The following EVI5 variants were observed in gnomAD, a reference collection of about 807,000 sequenced individuals.
The protein encoded by EVI5 is ecotropic viral integration site 5.
Under a neutral mutation model 112.0 loss-of-function variants are expected in EVI5, and 73 were observed. The ratio of observed to expected loss-of-function variants is 0.65; its 90% CI spans 0.54 to 0.79. EVI5 has a LOEUF of 0.79. EVI5 is among the 30% of genes least tolerant of loss of function. The pLI, the probability that EVI5 is intolerant of heterozygous loss-of-function variation, is 0.00. For missense variants in EVI5, 900 were observed against 968.8 expected, an observed-to-expected ratio of 0.93 and a Z score of 0.94; for synonymous variants, 305 against 319.9, an observed-to-expected ratio of 0.95 and a Z score of 0.50.
rs1676777172 is a variant in EVI5 at position 92,733,224 on chromosome 1, T to C, written c.149+3174A>G. The C allele has an allele frequency of 2.7e-5, 6 of 219,354 alleles. No individual in the cohort carries two copies. The South Asian group carries it at 5.0e-4, about 18-fold the overall frequency. 13.6% of individuals were successfully genotyped at this position (219,354 alleles called of 1,614,324 possible). Reference sequence around the variant, plus strand: ...AATCTTGGAGTATCTTAATGATGAATGATAATTTTGTAAAAATGTTGAATC... The same window carrying C: ...AATCTTGGAGTATCTTAATGATGAACGATAATTTTGTAAAAATGTTGAATC... On this transcript the variant is annotated intron_variant, in intron 2 of 19. Transcript: ENST00000684568.
intron 2 of EVI5, among the ~76,000 whole-genome samples, chr1:92,715,901 C>A (rs1299956925): frequency 6.6e-6 from 1 of 152,124 alleles, no homozygotes; most frequent in Non-Finnish European, 1.5e-5. Context: ...AGCAGCCTGG[C>A]AGGTGGAGGG....
At chr1:92,694,049 GT>G in intron 8 of EVI5, 150 bp from the exon 9 acceptor site, 1 of 654,364 alleles carries the variant, frequency 1.5e-6, no homozygotes, top group South Asian at 1.9e-5. Flanking sequence ...ATCACTTCAG[GT>G]CAGGAGTTCA....
chr1:92,645,843 T>G (rs966401502), intron 13 of EVI5, among the ~76,000 whole-genome samples: 1 of 152,226 alleles, frequency 6.6e-6, no homozygotes, highest in Non-Finnish European at 1.5e-5. Flanking sequence ...ATTGGTCTGA[T>G]AATCTGTTGC....
chr1:92,567,395 C>T (rs1313426202), intron 18 of EVI5, among the ~76,000 whole-genome samples: 1 of 152,162 alleles, frequency 6.6e-6, no homozygotes, highest in African/African-American at 2.4e-5. Context: ...AGGCCATTCA[C>T]TCACTGACTC....
intron 11 of EVI5, among the ~76,000 whole-genome samples, chr1:92,663,817 C>T (rs1454400735): frequency 1.3e-4 from 20 of 152,168 alleles, no homozygotes; most frequent in Admixed American, 1.3e-3. Flanking sequence ...TCATGTAGCT[C>T]ATTGTAACTG....
At chr1:92,567,462 G>A (rs1411057312) in intron 18 of EVI5, among the ~76,000 whole-genome samples, 2 of 152,090 alleles carry the variant, frequency 1.3e-5, no homozygotes, top group African/African-American at 2.4e-5. Flanking sequence ...CTCTATACAG[G>A]TGTACCATTT....
intron 5 of EVI5, among the ~76,000 whole-genome samples, chr1:92,700,481 TA>T (rs373542642): frequency 1.3e-5 from 2 of 152,232 alleles, no homozygotes; most frequent in African/African-American, 4.8e-5. Flanking sequence ...GTTCTTGTGT[TA>T]ATATACTGCT....
Position 92,703,616 on chromosome 1 carries a change from G to A in EVI5, c.343C>T (p.Leu115Phe). The A allele has an allele frequency of 6.5e-7, 1 of 1,546,674 alleles. No individual in the cohort carries two copies. Among genetic ancestry groups the A allele is most frequent in the South Asian group, 1.2e-5 (1 of 81,840 alleles). ...TGATGGGGTATCCCTTTATGAACAAGTTCCTAAAAATAAAATAAAATTACA... is the reference window on the plus strand; with the variant it reads ...TGATGGGGTATCCCTTTATGAACAAATTCCTAAAAATAAAATAAAATTACA... ...RKKKEKQVKELVHKGIPHHFR... is the reference protein window; with the variant it reads ...RKKKEKQVKEFVHKGIPHHFR... The change falls in exon 4 of 20, where the codon CTT (leucine) becomes TTT (phenylalanine). Residue 115 changes from leucine to phenylalanine, a missense_variant. Physicochemically the swap from Leu to Phe is conservative, Grantham distance 22. Transcript: ENST00000684568.
intron 1 of EVI5, among the ~76,000 whole-genome samples, chr1:92,750,658 C>A (rs1421372162): frequency 1.3e-5 from 2 of 152,122 alleles, no homozygotes; most frequent in African/African-American, 2.4e-5. Context: ...TAAATGTCTA[C>A]CCCGTTGCCT....
upstream of EVI5, among the ~76,000 whole-genome samples, chr1:92,788,036 C>G (rs1685782442): frequency 6.6e-6 from 1 of 151,698 alleles, no homozygotes; most frequent in South Asian, 2.1e-4. Flanking sequence ...AGGGGATTGA[C>G]TGGGATGGTA....
chr1:92,649,552 A>T (rs1441210620), intron 13 of EVI5, among the ~76,000 whole-genome samples: 1 of 152,190 alleles, frequency 6.6e-6, no homozygotes, highest in African/African-American at 2.4e-5. Context: ...ACAGTGGCTT[A>T]TGCTTGTAAT....
chr1:92,513,902 G>C lies in EVI5; in HGVS notation c.2235C>G (p.Asn745Lys), dbSNP rs748996054. The C allele has an allele frequency of 8.7e-6, 14 of 1,606,694 alleles. No homozygotes were observed. In the South Asian group the frequency reaches 1.3e-4, roughly 15 times the overall value. ...QPPFDGIHIV[N>K]HLIGDDESFH... ...ATGATTCATCATCTCCTATTAAATG[G>C]TTGACAATGTGGATTCCATCAAAAG... Residue 745 changes from asparagine (N) to lysine (K), a missense_variant, in exon 20 of 20, where the codon AAC becomes AAG. Asn to Lys is a moderately conservative substitution (Grantham distance 94). Transcript: ENST00000684568.
At chr1:92,589,121 C>T (rs1033627712) in intron 18 of EVI5, among the ~76,000 whole-genome samples, 2 of 152,148 alleles carry the variant, frequency 1.3e-5, no homozygotes, top group Non-Finnish European at 2.9e-5. Context: ...CAAGCTTAAG[C>T]TGACTTTTGG....
At chr1:92,533,187 C>T (rs989874349) in intron 19 of EVI5, among the ~76,000 whole-genome samples, 1 of 151,984 alleles carries the variant, frequency 6.6e-6, no homozygotes, top group Non-Finnish European at 1.5e-5. Flanking sequence ...ACTAGAAAAT[C>T]CAGAATAAAT....
intron 1 of EVI5, among the ~76,000 whole-genome samples, chr1:92,781,943 A>T (rs1684912396): frequency 9.8e-6 from 1 of 102,212 alleles, no homozygotes. Flanking sequence ...CAACAGAGTG[A>T]GATTCTGTCT....
chr1:92,522,720 T>C (rs1661182241), intron 19 of EVI5, among the ~76,000 whole-genome samples: 1 of 152,032 alleles, frequency 6.6e-6, no homozygotes, highest in Middle Eastern at 3.2e-3. Context: ...TTTTTGCTTT[T>C]TCATTTTTGT....
chr1:92,583,008 T>C (rs1672193282), intron 18 of EVI5, among the ~76,000 whole-genome samples: 1 of 152,170 alleles, frequency 6.6e-6, no homozygotes, highest in Non-Finnish European at 1.5e-5. Flanking sequence ...GTACTTAATA[T>C]ATATAAATAC....
intron 13 of EVI5, among the ~76,000 whole-genome samples, chr1:92,659,459 A>G (rs1369613264): frequency 2.6e-5 from 4 of 152,192 alleles, no homozygotes; most frequent in Non-Finnish European, 4.4e-5. Context: ...ACTTTTTCAA[A>G]AGAAGACATA....
intron 18 of EVI5, among the ~76,000 whole-genome samples, chr1:92,590,966 C>T (rs1413653030): frequency 6.6e-6 from 1 of 152,182 alleles, no homozygotes; most frequent in African/African-American, 2.4e-5. Context: ...ATTCAACATT[C>T]TTAAAGAAAA....
Sources: gnomAD v4.1 joint callset for allele counts (sites outside exome capture counted in the v4.1 genomes callset) on GRCh38, gnomAD v4.1.1 for gene constraint, MANE v1.5 for transcripts, NCBI Gene and HGNC (gene_info 2026-07-23, HGNC 2026-07-21) for gene names.